IPCEF1: variants seen among roughly 807,000 people sequenced by gnomAD.
IPCEF1 encodes the protein interactor protein for cytohesin exchange factors 1.
IPCEF1 carries 31 observed loss-of-function variants against 50.9 expected under a neutral mutation model. The ratio of observed to expected loss-of-function variants is 0.61; its 90% CI spans 0.46 to 0.82. The LOEUF is 0.82. Ranked by LOEUF, IPCEF1 falls within the 40% of genes least tolerant of loss-of-function variation. The probability of loss-of-function intolerance (pLI) is 0.00; values close to 1 mark genes in which losing one functional copy is unlikely to be tolerated. For synonymous variants in IPCEF1, 181 were observed against 192.0 expected (o/e 0.94, Z 0.47); for missense variants, 458 against 514.0 (o/e 0.89, Z 1.05).
intron 1 of IPCEF1, among the ~76,000 whole-genome samples, chr6:154,315,078 T>A (rs1783180710): frequency 6.6e-6 from 1 of 152,150 alleles, no homozygotes; most frequent in African/African-American, 2.4e-5. Flanking sequence ...AGACAGGATT[T>A]CACCATGTTG....
chr6:154,247,207 T>C, intron 4 of IPCEF1: 1 of 518,144 alleles, frequency 1.9e-6, no homozygotes, highest in South Asian at 2.8e-5. Flanking sequence ...ACACAGCTAC[T>C]TCCCGACTCA....
chr6:154,266,196 G>C (rs1471715243), intron 2 of IPCEF1, among the ~76,000 whole-genome samples: 1 of 151,998 alleles, frequency 6.6e-6, no homozygotes, highest in Non-Finnish European at 1.5e-5. Context: ...AGACCAGCCT[G>C]AACAACATAG....
intron 2 of IPCEF1, among the ~76,000 whole-genome samples, chr6:154,266,560 C>CTA (rs34187257): frequency 0.034 from 4,596 of 134,712 alleles, 114 homozygotes; most frequent in African/African-American, 0.062. Flanking sequence ...CTTAATATTA[C>CTA]TATATATATA....
chr6:154,211,656 T>C (rs543311039), intron 9 of IPCEF1, among the ~76,000 whole-genome samples: 3 of 152,120 alleles, frequency 2.0e-5, no homozygotes, highest in East Asian at 1.9e-4. Context: ...ATCTGACATA[T>C]TAAAATCAAG....
At chr6:154,194,510 T>C (rs989676103) in intron 10 of IPCEF1, among the ~76,000 whole-genome samples, 5 of 152,182 alleles carry the variant, frequency 3.3e-5, no homozygotes, top group African/African-American at 4.8e-5. Flanking sequence ...TTTTCAATTA[T>C]GACCTCCAAC....
intron 1 of IPCEF1, among the ~76,000 whole-genome samples, chr6:154,304,177 G>A (rs1782871138): frequency 6.6e-6 from 1 of 152,102 alleles, no homozygotes; most frequent in Non-Finnish European, 1.5e-5. Flanking sequence ...AGCCATGATT[G>A]TGCCACTGCA....
intron 3 of IPCEF1, among the ~76,000 whole-genome samples, chr6:154,261,132 C>G (rs1182759743): frequency 6.6e-6 from 1 of 151,980 alleles, no homozygotes; most frequent in African/African-American, 2.4e-5. Flanking sequence ...TCTCCTGGGC[C>G]CAAGCGATCC....
intron 9 of IPCEF1, among the ~76,000 whole-genome samples, chr6:154,204,965 C>T (rs1452533530): frequency 6.6e-6 from 1 of 152,206 alleles, no homozygotes; most frequent in Non-Finnish European, 1.5e-5. Flanking sequence ...CCCATCACCA[C>T]ATCTCTGGTC....
chr6:154,340,236 A>G lies in IPCEF1; in HGVS notation c.-62+16436T>C, dbSNP rs941733359. On this transcript the variant is annotated intron_variant, in intron 1 of 11. Transcript: ENST00000367220. ...GGCACAGCTTGGTTTTATAGATTTT[A>G]TTTTTTAATTTATTATTATTATTAT... Among the ~76,000 whole-genome samples the G allele has an allele frequency of 5.5e-5, 8 of 144,590 alleles. No homozygotes were observed. The East Asian group carries it at 1.6e-3, about 30-fold the overall frequency. 94.9% of individuals were successfully genotyped at this position (144,590 alleles called of 152,430 possible). A position where few individuals can be genotyped will look rare whatever the true frequency, so the allele number is the denominator to read the frequency against.
chr6:154,179,681 T>C (rs530732748), intron 10 of IPCEF1, among the ~76,000 whole-genome samples: 53 of 152,320 alleles, frequency 3.5e-4, no homozygotes, highest in Non-Finnish European at 5.6e-4. Flanking sequence ...AAGTGTTTTG[T>C]CAAGGAAGAT....
intron 10 of IPCEF1, among the ~76,000 whole-genome samples, chr6:154,184,672 C>T (rs992845092): frequency 6.6e-6 from 1 of 151,880 alleles, no homozygotes; most frequent in Non-Finnish European, 1.5e-5. Context: ...AATAAAAGTA[C>T]AATATATTTT....
intron 2 of IPCEF1, among the ~76,000 whole-genome samples, chr6:154,289,015 C>G (rs982333353): frequency 2.6e-5 from 4 of 152,086 alleles, no homozygotes; most frequent in African/African-American, 9.7e-5. Context: ...CCACTACACT[C>G]CAGTCTGGGG....
At chr6:154,349,605 C>T (rs1784089332) in intron 1 of IPCEF1, among the ~76,000 whole-genome samples, 1 of 151,978 alleles carries the variant, frequency 6.6e-6, no homozygotes, top group African/African-American at 2.4e-5. Context: ...GACTAAGGTT[C>T]AGTCTCTATT....
chr6:154,240,698 C>T (rs776312870), intron 5 of IPCEF1, among the ~76,000 whole-genome samples: 24 of 152,262 alleles, frequency 1.6e-4, no homozygotes, highest in Non-Finnish European at 3.5e-4. Context: ...AATATGCCTT[C>T]CAAAGATAAG....
chr6:154,276,765 C>A (rs1347315578), intron 2 of IPCEF1, among the ~76,000 whole-genome samples: 1 of 152,198 alleles, frequency 6.6e-6, no homozygotes, highest in Non-Finnish European at 1.5e-5. Context: ...GATCTCATTA[C>A]ATTCTTAGAG....
chr6:154,204,498 T>G (rs1172835762), intron 9 of IPCEF1, among the ~76,000 whole-genome samples: 1 of 152,152 alleles, frequency 6.6e-6, no homozygotes, highest in African/African-American at 2.4e-5. Context: ...CCAGGAAGTA[T>G]CATGTTTGTA....
At chr6:154,213,570 A>G (rs573997486) in intron 8 of IPCEF1, among the ~76,000 whole-genome samples, 23 of 152,282 alleles carry the variant, frequency 1.5e-4, no homozygotes, top group African/African-American at 5.3e-4. Flanking sequence ...TGATTTTGTT[A>G]TCAGAAGATA....
chr6:154,344,236 C>T (rs1216045057), intron 1 of IPCEF1, among the ~76,000 whole-genome samples: 4 of 152,124 alleles, frequency 2.6e-5, no homozygotes, highest in Non-Finnish European at 5.9e-5. Flanking sequence ...TCCTTAAAAC[C>T]ACTCCACGTG....
chr6:154,322,131 C>T (rs891085199), intron 1 of IPCEF1, among the ~76,000 whole-genome samples: 1 of 151,838 alleles, frequency 6.6e-6, no homozygotes, highest in Non-Finnish European at 1.5e-5. Context: ...GTGCATACAC[C>T]AAACTTCGAA....
Sources: allele counts gnomAD v4.1 joint callset (sites outside exome capture counted in the v4.1 genomes callset), GRCh38; gene constraint gnomAD v4.1.1; transcripts MANE v1.5; gene names NCBI Gene and HGNC (gene_info 2026-07-23, HGNC 2026-07-21).